Variants in MXRA7 observed in about 807,000 individuals in gnomAD.
MXRA7 encodes the protein matrix remodeling associated 7, also known as matrix-remodeling-associated protein 7.
A neutral mutation model predicts 17.4 loss-of-function variants in MXRA7; 18 were observed. The observed-to-expected ratio is 1.03, with a 90% CI of 0.71 to 1.53. The LOEUF (loss-of-function observed/expected upper bound fraction) is 1.53, where lower values mean the gene tolerates loss of function less well. Among genes scored for constraint, MXRA7 ranks in the 40% most tolerant of loss-of-function variants. The pLI, the probability that MXRA7 is intolerant of heterozygous loss-of-function variation, is 0.00. For missense variants in MXRA7, 141 were observed against 209.3 expected (o/e 0.67, Z 2.01); for synonymous variants, 70 against 101.7 (o/e 0.69, Z 1.87).
chr17:76,685,293 C>CT (rs1158214434), intron 2 of MXRA7, 128 bp from the exon 3 acceptor site: 2 of 687,972 alleles, frequency 2.9e-6, no homozygotes, highest in Non-Finnish European at 5.2e-6. Flanking sequence ...TCAGAGACAT[C>CT]TCACCCCAGC....
At position 76,692,252 on chromosome 17, in the gene MXRA7, A is replaced by AT. The variant is rs1399026466; in HGVS notation, c.343-4077dup. Among the ~76,000 whole-genome samples the AT allele has an allele frequency of 8.8e-5, 13 of 148,020 alleles. No individual in the cohort carries two copies. The East Asian group carries it at 1.4e-3, about 16-fold the overall frequency. The stretch of plus-strand genomic sequence containing the variant: ...AATTGTACTTGACTTTGGAAGTCTG[A>AT]TTTTTTCTTTTTTTTTTTTTGAGAC... On this transcript the variant is annotated intron_variant, in intron 1 of 3. Coordinates refer to ENST00000449428, the MANE Select transcript of MXRA7 (RefSeq NM_198530.4).
chr17:76,688,571 A>G (rs1305545318), intron 1 of MXRA7: 2 of 1,261,708 alleles, frequency 1.6e-6, no homozygotes, highest in Admixed American at 4.0e-5. Context: ...GACCAGGGCC[A>G]GGCAGCATGG....
chr17:76,710,582 G>A (rs1844815184), intron 1 of MXRA7, 23 bp downstream of exon 1: 10 of 1,291,888 alleles, frequency 7.7e-6, no homozygotes, highest in Admixed American at 4.0e-5. Flanking sequence ...TGGGGAGGGG[G>A]CCGCGAGGGC....
intron 1 of MXRA7, among the ~76,000 whole-genome samples, chr17:76,694,497 C>T (rs1211335089): frequency 6.6e-6 from 1 of 152,156 alleles, no homozygotes; most frequent in East Asian, 1.9e-4. Flanking sequence ...CACACCTGGG[C>T]TTCTACTGGA....
At chr17:76,690,059 A>ATT (rs1341515926) in intron 1 of MXRA7, 2 of 151,924 alleles carry the variant, frequency 1.3e-5, no homozygotes, top group African/African-American at 4.8e-5. Context: ...GCTGACATGA[A>ATT]AAGTACATCA....
chr17:76,696,377 C>T (rs957906003), intron 1 of MXRA7, among the ~76,000 whole-genome samples: 8 of 151,584 alleles, frequency 5.3e-5, no homozygotes, highest in Non-Finnish European at 7.4e-5. Flanking sequence ...ACAAATTAGC[C>T]GGGGGTGGTG....
chr17:76,693,368 G>C (rs2076497360), intron 1 of MXRA7, among the ~76,000 whole-genome samples: 1 of 151,756 alleles, frequency 6.6e-6, no homozygotes, highest in South Asian at 2.1e-4. Flanking sequence ...GGGAGGCTGA[G>C]GCAGGAGAAT....
At chr17:76,704,781 C>CAAAAA (rs34446989) in intron 1 of MXRA7, among the ~76,000 whole-genome samples, 2 of 92,870 alleles carry the variant, frequency 2.2e-5, no homozygotes, top group African/African-American at 8.7e-5. Context: ...AACTCCGTCT[C>CAAAAA]AAAAAAAAAA....
intron 3 of MXRA7, among the ~76,000 whole-genome samples, chr17:76,684,845 C>T (rs1023881680): frequency 1.3e-5 from 2 of 152,116 alleles, no homozygotes; most frequent in African/African-American, 4.8e-5. Context: ...CCAGTGGCCT[C>T]CTTCTGGTCA....
chr17:76,677,736 G>A (rs959336768), downstream of MXRA7: 3 of 1,520,866 alleles, frequency 2.0e-6, no homozygotes, highest in African/African-American at 4.1e-5. Flanking sequence ...GGAAGAAGGT[G>A]CTCCTAGCCC....
chr17:76,693,500 GAAATT>G (rs1280237542), intron 1 of MXRA7, among the ~76,000 whole-genome samples: 1 of 141,480 alleles, frequency 7.1e-6, no homozygotes, highest in African/African-American at 2.6e-5. Flanking sequence ...AAAAGAAAAA[GAAATT>G]AAAGACAAAC....
At chr17:76,708,369 G>A (rs1292992569) in intron 1 of MXRA7, among the ~76,000 whole-genome samples, 4 of 152,218 alleles carry the variant, frequency 2.6e-5, no homozygotes, top group African/African-American at 9.6e-5. Context: ...GCTAACAGCA[G>A]GTGGAGTTGC....
chr17:76,708,548 G>A (rs1474153788), intron 1 of MXRA7, among the ~76,000 whole-genome samples: 1 of 152,206 alleles, frequency 6.6e-6, no homozygotes, highest in Admixed American at 6.5e-5. Flanking sequence ...GAAAGCACTG[G>A]AAGCTCTTGG....
chr17:76,700,375 C>T (rs1335659598), intron 1 of MXRA7, among the ~76,000 whole-genome samples: 1 of 152,162 alleles, frequency 6.6e-6, no homozygotes, highest in Non-Finnish European at 1.5e-5. Context: ...TGCTGGTATC[C>T]CGTCTCTGTC....
intron 3 of MXRA7, among the ~76,000 whole-genome samples, 184 bp downstream of exon 3, chr17:76,684,888 C>T (rs976802076): frequency 3.9e-5 from 6 of 152,148 alleles, no homozygotes; most frequent in Non-Finnish European, 8.8e-5. Flanking sequence ...GTGTGCGAGC[C>T]TGGCTGACCA....
At chr17:76,686,594 C>T (rs1242987432) in intron 2 of MXRA7, among the ~76,000 whole-genome samples, 1 of 152,156 alleles carries the variant, frequency 6.6e-6, no homozygotes, top group Admixed American at 6.5e-5. Flanking sequence ...ACAGAACAAA[C>T]GACTTGAAAA....
At chr17:76,695,171 CAAAACAAAAT>C (rs1446907173) in intron 1 of MXRA7, among the ~76,000 whole-genome samples, 3 of 151,956 alleles carry the variant, frequency 2.0e-5, no homozygotes, top group African/African-American at 7.3e-5. Flanking sequence ...AAAAACAAAA[CAAAACAAAAT>C]AAAACAATAA....
At chr17:76,688,795 C>CGT in intron 1 of MXRA7, 1 of 696,466 alleles carries the variant, frequency 1.4e-6, no homozygotes, top group Non-Finnish European at 2.0e-6. Context: ...ATGAGAGCGA[C>CGT]GTGCCGTGCC....
At chr17:76,706,680 A>T (rs2076665528) in intron 1 of MXRA7, among the ~76,000 whole-genome samples, 1 of 135,228 alleles carries the variant, frequency 7.4e-6, no homozygotes, top group South Asian at 2.3e-4. Context: ...GCCAAGTCAC[A>T]TGGTTAAGAC....
Sources: allele counts gnomAD v4.1 joint callset (sites outside exome capture counted in the v4.1 genomes callset), GRCh38; gene constraint gnomAD v4.1.1; transcripts MANE v1.5; gene names NCBI Gene and HGNC (gene_info 2026-07-23, HGNC 2026-07-21).